TRPM6: variants seen among roughly 807,000 people sequenced by gnomAD.
The protein encoded by TRPM6 is channel kinase 2.
TRPM6 carries 111 observed loss-of-function variants against 247.6 expected under a neutral mutation model. The observed-to-expected ratio is 0.45, with a 90% CI of 0.38 to 0.52. TRPM6 has a LOEUF of 0.52. Among genes scored for constraint, TRPM6 ranks in the 20% least tolerant of loss-of-function variants. The probability of loss-of-function intolerance (pLI) is 0.00; values close to 1 mark genes in which losing one functional copy is unlikely to be tolerated. For synonymous variants in TRPM6, 892 were observed against 853.8 expected (o/e 1.04, Z -0.78); for missense variants, 2,126 against 2,421.5 (o/e 0.88, Z 2.56).
intron 5 of TRPM6, among the ~76,000 whole-genome samples, chr9:74,836,546 G>C (rs963846847): frequency 6.6e-6 from 1 of 152,156 alleles, no homozygotes; most frequent in Non-Finnish European, 1.5e-5. Flanking sequence ...GTTTGGCATG[G>C]TGTGCCAACA....
At chr9:74,855,412 A>T (rs1830494111) in intron 3 of TRPM6, 115 bp downstream of exon 3, 1 of 792,850 alleles carries the variant, frequency 1.3e-6, no homozygotes, top group African/African-American at 1.7e-5. Flanking sequence ...TCCCTTGGAA[A>T]GGTAAATGGC....
chr9:74,733,465 T>C (rs1410787185), intron 36 of TRPM6, among the ~76,000 whole-genome samples: 2 of 152,216 alleles, frequency 1.3e-5, no homozygotes, highest in African/African-American at 2.4e-5. Flanking sequence ...GCATCTGTCA[T>C]TCATTTACCA....
intron 23 of TRPM6, among the ~76,000 whole-genome samples, chr9:74,780,704 G>A (rs1178017166): frequency 2.0e-5 from 3 of 152,120 alleles, no homozygotes; most frequent in Admixed American, 6.6e-5. Flanking sequence ...GGTAGTGAGA[G>A]GTCATTAAAT....
At chr9:74,826,657 T>C (rs1307605429) in intron 7 of TRPM6, 1 of 152,248 alleles carries the variant, frequency 6.6e-6, no homozygotes, top group Admixed American at 6.6e-5. Context: ...ACTACCAAAA[T>C]GGCCCTCTTG....
At chr9:74,739,106 T>C (rs1375623987) in intron 35 of TRPM6, among the ~76,000 whole-genome samples, 1 of 152,228 alleles carries the variant, frequency 6.6e-6, no homozygotes, top group Non-Finnish European at 1.5e-5. Flanking sequence ...AAGATCTGTC[T>C]GTTTCCCATA....
At chr9:74,887,236 C>G (rs1034351891) in intron 1 of TRPM6, 21 of 1,274,962 alleles carry the variant, frequency 1.6e-5, no homozygotes, top group Non-Finnish European at 1.8e-5. Flanking sequence ...TTTACCGTAA[C>G]CGGCGCTGTC....
intron 33 of TRPM6, 58 bp from the exon 34 acceptor site, chr9:74,740,067 T>C: frequency 6.4e-7 from 1 of 1,565,698 alleles, no homozygotes; most frequent in Admixed American, 1.8e-5. Context: ...GTGACATGAA[T>C]AGTATCCTAA....
chr9:74,817,104 G>C, intron 9 of TRPM6, 140 bp from the exon 10 acceptor site: 2 of 849,748 alleles, frequency 2.4e-6, no homozygotes, highest in Admixed American at 2.1e-5. Flanking sequence ...ACTTACAGGA[G>C]AGAAAACTTT....
At chr9:74,768,730 C>T (rs780181591) in intron 25 of TRPM6, among the ~76,000 whole-genome samples, 3 of 152,228 alleles carry the variant, frequency 2.0e-5, no homozygotes, top group Non-Finnish European at 4.4e-5. Flanking sequence ...AGGCTGTGGA[C>T]ACATCAGTGC....
chr9:74,833,801 G>T (rs1318020945), intron 6 of TRPM6, among the ~76,000 whole-genome samples, 197 bp downstream of exon 6: 1 of 152,188 alleles, frequency 6.6e-6, no homozygotes, highest in East Asian at 1.9e-4. Context: ...ATTAGTCCAA[G>T]GCTTTTGACT....
intron 1 of TRPM6, among the ~76,000 whole-genome samples, chr9:74,880,882 C>T (rs563978528): frequency 7.2e-5 from 11 of 151,974 alleles, no homozygotes; most frequent in Non-Finnish European, 1.0e-4. Context: ...TACAAAACAA[C>T]GAGACATCAA....
intron 23 of TRPM6, among the ~76,000 whole-genome samples, chr9:74,780,348 G>T (rs1761538197): frequency 6.6e-6 from 1 of 152,064 alleles, no homozygotes; most frequent in African/African-American, 2.4e-5. Flanking sequence ...CAGCCACTTG[G>T]GAGGCTGAGG....
At chr9:74,828,310 C>T (rs1433046089) in intron 6 of TRPM6, among the ~76,000 whole-genome samples, 1 of 151,944 alleles carries the variant, frequency 6.6e-6, no homozygotes, top group East Asian at 1.9e-4. Flanking sequence ...GAGGTGAGAT[C>T]GCGCCACTGC....
intron 34 of TRPM6, 132 bp downstream of exon 34, chr9:74,739,591 A>T: frequency 6.6e-7 from 1 of 1,517,768 alleles, no homozygotes; most frequent in Non-Finnish European, 9.1e-7. Flanking sequence ...AAGTCCTACA[A>T]AGCAATACTA....
chr9:74,798,116 T>G (rs1440018489), intron 17 of TRPM6, among the ~76,000 whole-genome samples: 1 of 152,178 alleles, frequency 6.6e-6, no homozygotes, highest in Admixed American at 6.5e-5. Context: ...TACTAAATGC[T>G]CTGATATCAA....
chr9:74,754,072 T>G (rs570914310), intron 28 of TRPM6, among the ~76,000 whole-genome samples: 1 of 150,670 alleles, frequency 6.6e-6, no homozygotes, highest in African/African-American at 2.4e-5. Context: ...ATATAATACC[T>G]AATATATATA....
intron 25 of TRPM6, among the ~76,000 whole-genome samples, chr9:74,767,653 T>C (rs1395971244): frequency 6.6e-6 from 1 of 151,712 alleles, no homozygotes; most frequent in Non-Finnish European, 1.5e-5. Flanking sequence ...AGAGGGAAAA[T>C]AGATTCTATT....
At chr9:74,850,024 T>C (rs767242907) in intron 3 of TRPM6, among the ~76,000 whole-genome samples, 2 of 152,212 alleles carry the variant, frequency 1.3e-5, no homozygotes, top group Non-Finnish European at 2.9e-5. Context: ...AAGTAGCACA[T>C]GGTGAGAAGT....
At chr9:74,775,116 A>C (rs566252246) in intron 24 of TRPM6, among the ~76,000 whole-genome samples, 2 of 152,366 alleles carry the variant, frequency 1.3e-5, no homozygotes, top group Admixed American at 1.3e-4. Flanking sequence ...CATATCATGC[A>C]GTGAAGATCT....
Sources: allele counts gnomAD v4.1 joint callset (sites outside exome capture counted in the v4.1 genomes callset), GRCh38; gene constraint gnomAD v4.1.1; transcripts MANE v1.5; gene names NCBI Gene and HGNC (gene_info 2026-07-23, HGNC 2026-07-21).